CFAP47: variants seen among roughly 807,000 people sequenced by gnomAD.
CFAP47 encodes cilia- and flagella-associated protein 47.
CFAP47 carries 29 observed loss-of-function variants against 148.1 expected under a neutral mutation model. The observed-to-expected ratio is 0.20, with a 90% confidence interval of 0.15 to 0.27. The LOEUF is 0.27. CFAP47 is among the 10% of genes least tolerant of loss of function. CFAP47 has a pLI of 1.00. For synonymous variants in CFAP47, 664 were observed against 577.3 expected (o/e 1.15, Z -2.15); for missense variants, 1,872 against 1,697.5 (o/e 1.10, Z -1.81).
intron 42 of CFAP47, among the ~76,000 whole-genome samples, chrX:36,196,488 G>A (rs1387779072): frequency 9.0e-6 from 1 of 111,127 alleles, no homozygotes; most frequent in Admixed American, 9.7e-5. Context: ...TTTTTTGGGG[G>A]AAGATTGAGG....
chrX:36,276,052 A>ATG (rs1389282593), intron 49 of CFAP47, among the ~76,000 whole-genome samples: 1 of 109,690 alleles, frequency 9.1e-6, no homozygotes, highest in Non-Finnish European at 1.9e-5. Context: ...ATATTTATAT[A>ATG]TGTATATATA....
At chrX:36,261,346 A>ATTTTTTTTTTTT (rs1940818823) in intron 49 of CFAP47, among the ~76,000 whole-genome samples, 2 of 30,128 alleles carry the variant, frequency 6.6e-5, no homozygotes, top group African/African-American at 2.1e-4. Flanking sequence ...TTTTTTTTTC[A>ATTTTTTTTTTTT]TTGATCATTC....
intron 62 of CFAP47, among the ~76,000 whole-genome samples, chrX:36,367,513 A>G (rs187844549): frequency 3.4e-3 from 377 of 112,045 alleles, no homozygotes; most frequent in Non-Finnish European, 6.2e-3. Context: ...TTTTGTTTCT[A>G]TCATAGCTGT....
chrX:35,993,903 A>G (rs192115447), intron 18 of CFAP47, among the ~76,000 whole-genome samples: 10 of 111,909 alleles, frequency 8.9e-5, no homozygotes, highest in Admixed American at 2.9e-4. Context: ...TGATTTTAAC[A>G]TCTATATTTT....
intron 2 of CFAP47, among the ~76,000 whole-genome samples, chrX:35,928,399 A>G (rs1465983359): frequency 1.8e-5 from 2 of 111,629 alleles, no homozygotes; most frequent in African/African-American, 3.3e-5. Flanking sequence ...CATTTCCCCA[A>G]TGAATAATGA....
chrX:36,214,046 G>A (rs1197585492), intron 45 of CFAP47, among the ~76,000 whole-genome samples: 1 of 110,845 alleles, frequency 9.0e-6, no homozygotes, highest in Non-Finnish European at 1.9e-5. Flanking sequence ...CTTGTTAGGT[G>A]GTTTCATCTT....
chrX:36,352,265 G>A (rs185178016), intron 59 of CFAP47, among the ~76,000 whole-genome samples: 9 of 111,053 alleles, frequency 8.1e-5, no homozygotes, highest in Non-Finnish European at 1.3e-4. Flanking sequence ...CCTTGATACC[G>A]AAGATAGTTA....
chrX:35,974,902 CAT>C (rs1260514395), intron 13 of CFAP47, among the ~76,000 whole-genome samples: 1 of 110,403 alleles, frequency 9.1e-6, no homozygotes, highest in East Asian at 2.8e-4. Context: ...CTTATTTAGT[CAT>C]ATAATTTTTC....
intron 8 of CFAP47, among the ~76,000 whole-genome samples, chrX:35,961,749 T>C (rs73197110): frequency 0.011 from 1,271 of 111,115 alleles, 12 homozygotes; most frequent in Non-Finnish European, 0.018. Flanking sequence ...TTTTTCAGTG[T>C]TGTTAATCAT....
At chrX:36,336,912 C>G (rs1289804598) in intron 57 of CFAP47, among the ~76,000 whole-genome samples, 5 of 112,083 alleles carry the variant, frequency 4.5e-5, no homozygotes, top group Non-Finnish European at 9.4e-5. Context: ...CCCAGATCTC[C>G]AGATAATTGT....
chrX:36,321,208 A>G (rs1941476228), intron 57 of CFAP47, among the ~76,000 whole-genome samples: 1 of 112,000 alleles, frequency 8.9e-6, no homozygotes, highest in Non-Finnish European at 1.9e-5. Context: ...TAAAAGAGAG[A>G]GAGAGAGATA....
intron 22 of CFAP47, among the ~76,000 whole-genome samples, chrX:36,028,068 A>G (rs1416968218): frequency 1.8e-5 from 2 of 111,214 alleles, no homozygotes; most frequent in Non-Finnish European, 3.8e-5. Context: ...CCTTTGTCAG[A>G]TGCATAGTTA....
intron 49 of CFAP47, among the ~76,000 whole-genome samples, chrX:36,254,153 A>G (rs1940723242): frequency 1.8e-5 from 2 of 111,432 alleles, no homozygotes; most frequent in African/African-American, 6.5e-5. Context: ...ATGGAAGGAA[A>G]TATTAATCCC....
chrX:36,261,533 T>C (rs62590738), intron 49 of CFAP47, among the ~76,000 whole-genome samples: 32,730 of 102,071 alleles, frequency 0.32, 7,142 homozygotes, highest in African/African-American at 0.73. Flanking sequence ...TGACTCTTAA[T>C]GAGCATGCTG....
chrX:36,013,611 G>T (rs180761683), intron 21 of CFAP47, among the ~76,000 whole-genome samples: 1 of 111,178 alleles, frequency 9.0e-6, no homozygotes, highest in Non-Finnish European at 1.9e-5. Flanking sequence ...CAAAAACATA[G>T]TTAAAAAGAA....
chrX:36,243,647 GTATATATATATA>G lies in CFAP47; in HGVS notation c.7332+6818_7332+6829del, dbSNP rs58640112. Among the ~76,000 whole-genome samples, 227 of 64,250 alleles carry G rather than the reference GTATATATATATA, an allele frequency of 3.5e-3. 3 individuals are homozygous for G. Among genetic ancestry groups the G allele is most frequent in the East Asian group, 7.9e-3 (15 of 1,897 alleles). The allele number at this position is 64,250 out of a possible 115,157, so 55.8% of individuals were successfully genotyped here. A position where few individuals can be genotyped will look rare whatever the true frequency, so the allele number is the denominator to read the frequency against. ...AAAAACTTAACTATTATATGTGTGT[GTATATATATATA>G]TATATATATATATATATATATATAT... On this transcript the variant is annotated intron_variant, in intron 48 of 63. Transcript: ENST00000378653.
At chrX:35,924,596 T>A in intron 1 of CFAP47, among the ~76,000 whole-genome samples, 1 of 108,089 alleles carries the variant, frequency 9.3e-6, no homozygotes, top group Non-Finnish European at 1.9e-5. Flanking sequence ...TATACACACG[T>A]GCATGTGGGT....
At chrX:35,922,620 TA>T (rs1442235134) in intron 1 of CFAP47, among the ~76,000 whole-genome samples, 1 of 112,832 alleles carries the variant, frequency 8.9e-6, no homozygotes, top group African/African-American at 3.2e-5. Context: ...TTCTGTTCTA[TA>T]AATTGCACGA....
At chrX:36,372,376 A>C (rs1556022112) in intron 62 of CFAP47, among the ~76,000 whole-genome samples, 1 of 111,685 alleles carries the variant, frequency 9.0e-6, no homozygotes, top group Non-Finnish European at 1.9e-5. Context: ...TAGTAATTCT[A>C]TTTTGTGCAT....
Sources: allele counts gnomAD v4.1 joint callset (sites outside exome capture counted in the v4.1 genomes callset), GRCh38; gene constraint gnomAD v4.1.1; transcripts MANE v1.5; gene names NCBI Gene and HGNC (gene_info 2026-07-23, HGNC 2026-07-21).